CTNNA2: variants seen among roughly 807,000 people sequenced by gnomAD.
CTNNA2 encodes catenin alpha-2.
In CTNNA2, 42 loss-of-function variants were observed where a neutral mutation model predicts 101.0. That is an observed-to-expected ratio of 0.42 (90% CI 0.32 to 0.54). The LOEUF is 0.54. CTNNA2 is among the 20% of genes least tolerant of loss of function. CTNNA2 has a pLI of 0.14. For synonymous variants in CTNNA2, 450 were observed against 456.4 expected, an observed-to-expected ratio of 0.99 and a Z score of 0.18; for missense variants, 871 against 1,223.1, an observed-to-expected ratio of 0.71 and a Z score of 4.29.
At chr2:80,402,935 T>C (rs1346355965) in intron 8 of CTNNA2, among the ~76,000 whole-genome samples, 1 of 151,882 alleles carries the variant, frequency 6.6e-6, no homozygotes, top group East Asian at 1.9e-4. Flanking sequence ...CTGTACTTTC[T>C]GGAGCAGGGC....
intron 13 of CTNNA2, among the ~76,000 whole-genome samples, chr2:80,574,892 T>G (rs182428739): frequency 2.1e-3 from 320 of 152,314 alleles, no homozygotes; most frequent in Non-Finnish European, 3.6e-3. Flanking sequence ...GTCTAAATAA[T>G]TAATATATAT....
intron 9 of CTNNA2, among the ~76,000 whole-genome samples, chr2:80,444,291 A>G (rs1351306394): frequency 3.9e-5 from 6 of 152,230 alleles, no homozygotes; most frequent in Non-Finnish European, 5.9e-5. Flanking sequence ...GAACCAGTAG[A>G]ATTTGTTTAT....
intron 7 of CTNNA2, among the ~76,000 whole-genome samples, chr2:80,078,996 C>G (rs575254218): frequency 6.6e-6 from 1 of 152,236 alleles, no homozygotes; most frequent in South Asian, 2.1e-4. Context: ...AGAAACTATG[C>G]TTTGCCCTAC....
In CTNNA2 at chr2:80,448,753, T is replaced by G. The variant is rs532493749; in HGVS notation, c.1290+29152T>G. Among the ~76,000 whole-genome samples, 203 of 152,258 alleles carry G rather than the reference T, an allele frequency of 1.3e-3. 1 individual carries two copies. The highest frequency in any genetic ancestry group is 4.5e-3 in the African/African-American group (188 of 41,534). ...TAGTAGGCAAGGAGCTGATAAAATA[T>G]CATGTATCCCAGGAGCCTGTATGTT... On this transcript the variant is annotated intron_variant, in intron 9 of 18. Coordinates refer to ENST00000402739, the MANE Select transcript of CTNNA2 (RefSeq NM_001282597.3).
At chr2:80,593,469 T>C (rs1442066769) in intron 15 of CTNNA2, among the ~76,000 whole-genome samples, 1 of 152,190 alleles carries the variant, frequency 6.6e-6, no homozygotes, top group Non-Finnish European at 1.5e-5. Context: ...CCACTAGCCA[T>C]ATATGACTAC....
intron 9 of CTNNA2, among the ~76,000 whole-genome samples, chr2:80,425,496 C>T (rs979829805): frequency 6.6e-6 from 1 of 152,152 alleles, no homozygotes; most frequent in South Asian, 2.1e-4. Context: ...TGCCTCTTCT[C>T]CCCATTAAGC....
chr2:79,598,997 T>A (rs1677377425), intron 1 of CTNNA2, among the ~76,000 whole-genome samples: 1 of 152,230 alleles, frequency 6.6e-6, no homozygotes, highest in Admixed American at 6.5e-5. Flanking sequence ...AAGGTCTATA[T>A]CTAGACCGCT....
chr2:79,822,192 T>C (rs538432298), intron 3 of CTNNA2, among the ~76,000 whole-genome samples: 137 of 152,192 alleles, frequency 9.0e-4, no homozygotes, highest in Non-Finnish European at 1.6e-3. Context: ...ACGGTTTTTT[T>C]TTTTAATTTT....
rs71386616 is a variant in CTNNA2, at chr2:80,232,321, T to TTTTG, written c.1057-160866_1057-160863dup. 3.7e-3 allele frequency among the ~76,000 whole-genome samples: 409 copies of TTTTG among 110,912 alleles called. 5 individuals are homozygous for TTTTG. The highest frequency in any genetic ancestry group is 0.018 in the Middle Eastern group (4 of 222). 72.8% of individuals were successfully genotyped at this position (110,912 alleles called of 152,430 possible). A position where few individuals can be genotyped will look rare whatever the true frequency, so the allele number is the denominator to read the frequency against. On this transcript the variant is annotated intron_variant, in intron 7 of 18. Transcript: ENST00000402739. Reference sequence around the variant, plus strand: ...CTTCAAATATTTTACAGAATTTGGGTTTTGTTTGTTTGTTTGTTTGTTTGT... The same window carrying TTTTG: ...CTTCAAATATTTTACAGAATTTGGGTTTTGTTTGTTTGTTTGTTTGTTTGTTTGT...
At chr2:80,384,606 G>A (rs1027897455) in intron 7 of CTNNA2, among the ~76,000 whole-genome samples, 2 of 151,416 alleles carry the variant, frequency 1.3e-5, no homozygotes, top group Non-Finnish European at 2.9e-5. Flanking sequence ...TGTGGTGAGT[G>A]GGTGTCATGG....
At position 80,258,066 on chromosome 2, in the gene CTNNA2, G is replaced by T. The variant is rs1672311408; in HGVS notation, c.1057-135145G>T. On this transcript the variant is annotated intron_variant, in intron 7 of 18. Transcript: ENST00000402739. ...TTATTATGACAAATTCCTGAAGTGTGTGGTTTTAACAATCTAACATTTCAC... is the reference window on the plus strand; with the variant it reads ...TTATTATGACAAATTCCTGAAGTGTTTGGTTTTAACAATCTAACATTTCAC... Among the ~76,000 whole-genome samples, 3 of 152,304 alleles carry T rather than the reference G, an allele frequency of 2.0e-5. No homozygotes were observed. The South Asian group carries it at 6.2e-4, about 32-fold the overall frequency.
intron 7 of CTNNA2, among the ~76,000 whole-genome samples, chr2:80,141,177 G>A (rs1307808900): frequency 6.6e-6 from 1 of 151,938 alleles, no homozygotes; most frequent in Non-Finnish European, 1.5e-5. Context: ...ATTTGAGAAG[G>A]GTGATGAGTC....
At chr2:79,978,937 A>G (rs73938445) in intron 7 of CTNNA2, among the ~76,000 whole-genome samples, 2,438 of 152,272 alleles carry the variant, frequency 0.016, 78 homozygotes, top group African/African-American at 0.056. Context: ...ACTGAGTCTC[A>G]AAGAGGTTAA....
At chr2:79,398,767 C>G (rs923617158) in intron 4 of CTNNA2, among the ~76,000 whole-genome samples, 1 of 145,568 alleles carries the variant, frequency 6.9e-6, no homozygotes, top group African/African-American at 2.5e-5. Flanking sequence ...AAAAAAACCT[C>G]AAAAAAAAAC....
In CTNNA2 at chr2:79,297,744, TTCTA is replaced by T. The variant is rs571965509; in HGVS notation, c.-405-14959_-405-14956del. Among the ~76,000 whole-genome samples, 878 of 152,314 alleles carry T rather than the reference TTCTA, an allele frequency of 5.8e-3. 10 individuals carry two copies. The highest frequency in any genetic ancestry group is 0.02 in the African/African-American group (826 of 41,574). On this transcript the variant is annotated intron_variant, in intron 2 of 21. Coordinates refer to the CTNNA2 transcript ENST00000466387. The stretch of plus-strand genomic sequence containing the variant: ...AACTCTATCAAGACAAATTCATTCC[TTCTA>T]TCTATTTATCTATCTATCTAATCTT...
chr2:80,323,124 A>C (rs893609787), intron 7 of CTNNA2, among the ~76,000 whole-genome samples: 1 of 152,202 alleles, frequency 6.6e-6, no homozygotes, highest in South Asian at 2.1e-4. Flanking sequence ...CTGTCACTGC[A>C]CACTGGTCGC....
intron 7 of CTNNA2, among the ~76,000 whole-genome samples, chr2:80,180,339 G>A (rs1273546824): frequency 3.3e-5 from 5 of 152,136 alleles, no homozygotes; most frequent in African/African-American, 1.2e-4. Flanking sequence ...CACTCGACCT[G>A]GCAGTTTTCT....
intron 7 of CTNNA2, among the ~76,000 whole-genome samples, chr2:80,057,580 T>TC (rs1697308517): frequency 6.6e-6 from 1 of 152,128 alleles, no homozygotes; most frequent in Non-Finnish European, 1.5e-5. Flanking sequence ...TCTCTCTGGC[T>TC]CCCACTCACA....
intron 7 of CTNNA2, among the ~76,000 whole-genome samples, chr2:80,123,348 A>G (rs1325572854): frequency 6.6e-6 from 1 of 152,072 alleles, no homozygotes; most frequent in Non-Finnish European, 1.5e-5. Flanking sequence ...AGGTTTAAGA[A>G]TGACCAGAAT....
Sources: allele counts gnomAD v4.1 joint callset (sites outside exome capture counted in the v4.1 genomes callset), GRCh38; gene constraint gnomAD v4.1.1; transcripts MANE v1.5; gene names NCBI Gene and HGNC (gene_info 2026-07-23, HGNC 2026-07-21).